Variants in RAP1GAP observed in about 807,000 individuals in gnomAD.
RAP1GAP encodes the protein rap1 GTPase-activating protein 1.
In RAP1GAP, 35 loss-of-function variants were observed where a neutral mutation model predicts 87.2. The observed-to-expected ratio is 0.40, with a 90% CI of 0.31 to 0.53. RAP1GAP has a LOEUF of 0.53. Among genes scored for constraint, RAP1GAP ranks in the 20% least tolerant of loss-of-function variants. The probability of loss-of-function intolerance (pLI) is 0.48; values close to 1 mark genes in which losing one functional copy is unlikely to be tolerated. For synonymous variants in RAP1GAP, 375 were observed against 363.9 expected, an observed-to-expected ratio of 1.03 and a Z score of -0.35; for missense variants, 734 against 898.9, an observed-to-expected ratio of 0.82 and a Z score of 2.35.
At chr1:21,600,486 C>A (rs538033544) in intron 20 of RAP1GAP, among the ~76,000 whole-genome samples, 1 of 152,206 alleles carries the variant, frequency 6.6e-6, no homozygotes. Flanking sequence ...CTGCTTCCAT[C>A]CCACCCCACT....
intron 17 of RAP1GAP, among the ~76,000 whole-genome samples, chr1:21,607,738 C>T (rs2075626592): frequency 6.6e-6 from 1 of 152,138 alleles, no homozygotes; most frequent in African/African-American, 2.4e-5. Flanking sequence ...AGGGCCCCAC[C>T]TTACATGCTG....
rs74529901 is a variant in RAP1GAP, at chr1:21,599,695, C to T, written c.1653-78G>A. 5.0e-3 allele frequency: 7,551 copies of T among 1,521,682 alleles called. 275 individuals carry two copies. In the African/African-American group the frequency reaches 0.087, roughly 18 times the overall value. 94.3% of individuals were successfully genotyped at this position (1,521,682 alleles called of 1,614,324 possible). A position where few individuals can be genotyped will look rare whatever the true frequency, so the allele number is the denominator to read the frequency against. On this transcript the variant is annotated intron_variant, in intron 20 of 24. Coordinates refer to ENST00000374765, the MANE Select transcript of RAP1GAP (RefSeq NM_002885.4). ...CCAGGCCCTCACTCCCTTGCCCTCC[C>T]CAACCCGGGAGGCCCAGCTGGTAGC...
rs2079403426 is a variant in RAP1GAP, at chr1:21,613,019, G to T, written c.528+157C>A. The T allele has an allele frequency of 3.8e-6, 3 of 796,790 alleles. No individual in the cohort carries two copies. The highest frequency in any genetic ancestry group is 6.3e-6 in the Non-Finnish European group (3 of 475,346). 49.4% of individuals were successfully genotyped at this position (796,790 alleles called of 1,614,324 possible). A position where few individuals can be genotyped will look rare whatever the true frequency, so the allele number is the denominator to read the frequency against. Reference sequence around the variant, plus strand: ...GGGGAAGGCACAGGCCCTTTCGGTGGCTCCTCTTCTGCAAATTGTGGACTT... The same window carrying T: ...GGGGAAGGCACAGGCCCTTTCGGTGTCTCCTCTTCTGCAAATTGTGGACTT... On this transcript the variant is annotated intron_variant, in intron 10 of 24. Coordinates refer to ENST00000374765, the MANE Select transcript of RAP1GAP (RefSeq NM_002885.4). The surrounding 1 kb of genome is among the most constrained non-coding windows in gnomAD (Gnocchi z 4.7).
At chr1:21,662,808 A>G (rs1159982556) in intron 1 of RAP1GAP, among the ~76,000 whole-genome samples, 1 of 152,160 alleles carries the variant, frequency 6.6e-6, no homozygotes, top group Non-Finnish European at 1.5e-5. Flanking sequence ...GCCACTCACC[A>G]GCTGGGTGAC....
chr1:21,649,014 C>T (rs774864108), intron 2 of RAP1GAP, among the ~76,000 whole-genome samples: 9 of 152,146 alleles, frequency 5.9e-5, no homozygotes, highest in East Asian at 1.9e-4. Context: ...CCAGAGCCGT[C>T]GGGGGGCTCT....
intron 4 of RAP1GAP, among the ~76,000 whole-genome samples, chr1:21,619,594 G>A (rs1162506027): frequency 6.6e-6 from 1 of 151,954 alleles, no homozygotes; most frequent in Non-Finnish European, 1.5e-5. Flanking sequence ...TGGGGTGGAG[G>A]GTGGAGGGGT....
Position 21,622,670 on chromosome 1 carries a change from G to A in RAP1GAP, c.-18-2620C>T, listed in dbSNP as rs959335852. 8.7e-5 allele frequency: 13 copies of A among 149,832 alleles called. No homozygotes were observed. Among genetic ancestry groups the A allele is most frequent in the African/African-American group, 2.4e-4 (10 of 41,246 alleles). 9.3% of individuals were successfully genotyped at this position (149,832 alleles called of 1,614,324 possible). A position where few individuals can be genotyped will look rare whatever the true frequency, so the allele number is the denominator to read the frequency against. ...ACGCCCCCCGGGCGGCCCGGCCCGC[G>A]GCCCCGGGACACCGCGCCTGCGCGT... On this transcript the variant is annotated intron_variant, in intron 3 of 24. Transcript: ENST00000374765. This position sits in a 1 kb window ranked among gnomAD's most constrained non-coding sequence, Gnocchi z 5.7.
At position 21,603,791 on chromosome 1, in the gene RAP1GAP, G is replaced by A. The variant is rs753468282; in HGVS notation, c.1429-878C>T. The A allele has an allele frequency of 8.3e-6, 13 of 1,558,430 alleles. No individual in the cohort carries two copies. The highest frequency in any genetic ancestry group is 4.5e-5 in the East Asian group (2 of 44,636). Reference sequence around the variant, plus strand: ...GTCCTGAGAGCGAGCAGAGAACAGCGCGTGCAGGCAGCCTCCAGAGCCGGC... The same window carrying A: ...GTCCTGAGAGCGAGCAGAGAACAGCACGTGCAGGCAGCCTCCAGAGCCGGC... On this transcript the variant is annotated intron_variant, in intron 18 of 24. Transcript: ENST00000374765. The surrounding 1 kb of genome is among the most constrained non-coding windows in gnomAD (Gnocchi z 6.0).
At chr1:21,614,538 C>G (rs989411402) in intron 7 of RAP1GAP, among the ~76,000 whole-genome samples, 1 of 152,180 alleles carries the variant, frequency 6.6e-6, no homozygotes, top group South Asian at 2.1e-4. Flanking sequence ...GATTGCCCAA[C>G]CTGTGACTCT....
chr1:21,604,559 G>T (rs1293529962), intron 18 of RAP1GAP, among the ~76,000 whole-genome samples: 2 of 152,118 alleles, frequency 1.3e-5, no homozygotes. Flanking sequence ...CCTGTCCCTG[G>T]GGCCCCTCTC....
Position 21,669,123 on chromosome 1 carries a change from C to T in RAP1GAP, c.-149+131G>A, listed in dbSNP as rs1457002872. On this transcript the variant is annotated intron_variant, in intron 1 of 24. Coordinates refer to ENST00000374765, the MANE Select transcript of RAP1GAP (RefSeq NM_002885.4). The surrounding 1 kb of genome is among the most constrained non-coding windows in gnomAD (Gnocchi z 5.6). ...ACCCCTCGCCCCTGGAGACCCGGGT[C>T]CCCCACGCGTTCGCCCCCACCCTCC... 9.9e-7 allele frequency: 1 copy of T among 1,014,596 alleles called. No homozygotes were observed. Among genetic ancestry groups the T allele is most frequent in the Non-Finnish European group, 1.3e-6 (1 of 799,546 alleles). The allele number at this position is 1,014,596 out of a possible 1,614,324, so 62.8% of individuals were successfully genotyped here.
intron 6 of RAP1GAP, 152 bp downstream of exon 6, chr1:21,617,782 G>C (rs1211233113): frequency 9.0e-7 from 1 of 1,110,846 alleles, no homozygotes; most frequent in Non-Finnish European, 1.3e-6. Context: ...GGTTCAAATG[G>C]GCTCTGAGGC....
chr1:21,616,002 T>C (rs2081790577), intron 7 of RAP1GAP, among the ~76,000 whole-genome samples: 1 of 152,094 alleles, frequency 6.6e-6, no homozygotes, highest in Non-Finnish European at 1.5e-5. Context: ...GGCTTGCTGG[T>C]TTAGTCCCAG....
rs910808215 is a variant in RAP1GAP at position 21,630,725 on chromosome 1, TTTG to T, written c.-112-4331_-112-4329del. ...TGCTCGGCTAATTAAAAATAAATTTTTTGTTGTTGTTGTTGAGATGGGTGTCTT... is the reference window on the plus strand; with the variant it reads ...TGCTCGGCTAATTAAAAATAAATTTTTTGTTGTTGTTGAGATGGGTGTCTT... On this transcript the variant is annotated intron_variant, in intron 2 of 24. Coordinates refer to ENST00000374765, the MANE Select transcript of RAP1GAP (RefSeq NM_002885.4). Among the ~76,000 whole-genome samples, 7 of 151,468 alleles carry T rather than the reference TTTG, an allele frequency of 4.6e-5. No homozygotes were observed. The East Asian group carries it at 5.9e-4, about 13-fold the overall frequency.
At chr1:21,621,610 C>T (rs2087661597) in intron 3 of RAP1GAP, among the ~76,000 whole-genome samples, 1 of 152,188 alleles carries the variant, frequency 6.6e-6, no homozygotes. Context: ...GCAGTTACTG[C>T]AGAAACCACA....
chr1:21,619,350 C>T (rs184986358), intron 4 of RAP1GAP, among the ~76,000 whole-genome samples: 73 of 141,148 alleles, frequency 5.2e-4, no homozygotes, highest in African/African-American at 1.8e-3. Flanking sequence ...GTGCACATGC[C>T]GGTGTGCGAG....
intron 4 of RAP1GAP, among the ~76,000 whole-genome samples, 187 bp from the exon 5 acceptor site, chr1:21,619,259 C>A (rs557443314): frequency 6.6e-6 from 1 of 151,996 alleles, no homozygotes; most frequent in Non-Finnish European, 1.5e-5. Context: ...CGGTAGTGAC[C>A]GGGGCTGGAG....
At position 21,626,456 on chromosome 1, in the gene RAP1GAP, T is replaced by C. The variant is rs146026143; in HGVS notation, c.-112-59A>G. 199 of 1,374,588 alleles carry C rather than the reference T, an allele frequency of 1.4e-4. No individual in the cohort carries two copies. The African/African-American group carries it at 2.4e-3, about 16-fold the overall frequency. 85.1% of individuals were successfully genotyped at this position (1,374,588 alleles called of 1,614,324 possible). ...CCCAAGCCAGGAAATTTGGGAACTC[T>C]GGGAGAGTCACTCTCAGAGCTGGGG... On this transcript the variant is annotated intron_variant, in intron 2 of 24. Transcript: ENST00000374765.
Position 21,603,292 on chromosome 1 carries a change from C to T in RAP1GAP, c.1429-379G>A, listed in dbSNP as rs1205544102. On this transcript the variant is annotated intron_variant, in intron 18 of 24. Transcript: ENST00000374765. This position sits in a 1 kb window ranked among gnomAD's most constrained non-coding sequence, Gnocchi z 6.0. ...AGAGGGCAGTGTAGCAACCCAAGTC[C>T]CACCCCGTGCCAGCTAGGGCCCCTC... The T allele has an allele frequency of 5.2e-6, 2 of 385,696 alleles. No homozygotes were observed. The highest frequency in any genetic ancestry group is 2.0e-5 in the African/African-American group (1 of 48,944). The allele number at this position is 385,696 out of a possible 1,614,324, so 23.9% of individuals were successfully genotyped here. A position where few individuals can be genotyped will look rare whatever the true frequency, so the allele number is the denominator to read the frequency against.
Sources: gnomAD v4.1 joint callset for allele counts (sites outside exome capture counted in the v4.1 genomes callset) on GRCh38, gnomAD v4.1.1 for gene constraint, Gnocchi (gnomAD v3.1) non-coding constraint, MANE v1.5 for transcripts, NCBI Gene and HGNC (gene_info 2026-07-23, HGNC 2026-07-21) for gene names.